Variants in SUB1 observed in about 807,000 individuals in gnomAD.
SUB1 encodes SUB1 regulator of transcription.
SUB1 carries 1 observed loss-of-function variant against 16.9 expected under a neutral mutation model. That is an observed-to-expected ratio of 0.06 (90% CI 0.02 to 0.28). The LOEUF is 0.28. Ranked by LOEUF, SUB1 falls within the 10% of genes least tolerant of loss-of-function variation. The probability of loss-of-function intolerance (pLI) is 1.00; values close to 1 mark genes in which losing one functional copy is unlikely to be tolerated. For missense variants in SUB1, 84 were observed against 145.2 expected, an observed-to-expected ratio of 0.58 and a Z score of 2.16; for synonymous variants, 51 against 46.9, an observed-to-expected ratio of 1.09 and a Z score of -0.36.
Position 32,599,203 on chromosome 5 carries a change from A to G in SUB1, c.304+134A>G, listed in dbSNP as rs1468874196. 6.1e-6 allele frequency: 4 copies of G among 659,920 alleles called. No individual in the cohort carries two copies. In the African/African-American group the frequency reaches 7.5e-5, roughly 12 times the overall value. 40.9% of individuals were successfully genotyped at this position (659,920 alleles called of 1,614,324 possible). A position where few individuals can be genotyped will look rare whatever the true frequency, so the allele number is the denominator to read the frequency against. On this transcript the variant is annotated intron_variant, in intron 4 of 4. Coordinates refer to ENST00000265073, the MANE Select transcript of SUB1 (RefSeq NM_006713.4). ...ACTCAATTGATTCTCTATCTTCTGTAGTTATTTTGGACATGATACTTAACA... is the reference window on the plus strand; with the variant it reads ...ACTCAATTGATTCTCTATCTTCTGTGGTTATTTTGGACATGATACTTAACA...
At chr5:32,591,311 C>G (rs1439529160) in intron 2 of SUB1, 2 of 303,104 alleles carry the variant, frequency 6.6e-6, no homozygotes, top group Non-Finnish European at 1.1e-5. Context: ...AATAACCGTT[C>G]CTGTGGTTAA....
At chr5:32,588,000 T>C (rs924946394) in intron 1 of SUB1, among the ~76,000 whole-genome samples, 4 of 152,242 alleles carry the variant, frequency 2.6e-5, no homozygotes, top group Non-Finnish European at 5.9e-5. Context: ...TAAAATATTA[T>C]GTAAAAATTA....
At chr5:32,593,877 A>G (rs1302742376) in intron 3 of SUB1, among the ~76,000 whole-genome samples, 1 of 152,096 alleles carries the variant, frequency 6.6e-6, no homozygotes, top group Non-Finnish European at 1.5e-5. Context: ...TATTTTTAGT[A>G]GAGACGGGAT....
At chr5:32,593,555 T>C (rs1314717171) in intron 3 of SUB1, among the ~76,000 whole-genome samples, 3 of 152,194 alleles carry the variant, frequency 2.0e-5, no homozygotes, top group Admixed American at 2.0e-4. Flanking sequence ...TTGTGAAAAC[T>C]AGATCTAATT....
chr5:32,602,530 G>GT lies in SUB1; in HGVS notation c.*1449dup, dbSNP rs1218624973. ...GAGTTTTGCACTATTTTGCTACCAA[G>GT]TTTGATTCATACATCTAAAACATTT... On this transcript the variant is annotated 3_prime_UTR_variant, in exon 5 of 5. Coordinates refer to ENST00000265073, the MANE Select transcript of SUB1 (RefSeq NM_006713.4). The GT allele has an allele frequency of 1.2e-5, 2 of 170,754 alleles. No individual in the cohort carries two copies. The highest frequency in any genetic ancestry group is 4.8e-5 in the African/African-American group (2 of 41,806). 10.6% of individuals were successfully genotyped at this position (170,754 alleles called of 1,614,324 possible).
chr5:32,599,556 C>T (rs902847314), intron 4 of SUB1, among the ~76,000 whole-genome samples: 1 of 152,238 alleles, frequency 6.6e-6, no homozygotes, highest in African/African-American at 2.4e-5. Context: ...ATTCACCAAA[C>T]AGCTAGAGAA....
intron 2 of SUB1, among the ~76,000 whole-genome samples, chr5:32,589,537 A>G (rs1190040100): frequency 6.6e-6 from 1 of 152,206 alleles, no homozygotes; most frequent in Non-Finnish European, 1.5e-5. Flanking sequence ...CAGTAAAGCT[A>G]ACTTGAAACC....
Position 32,602,364 on chromosome 5 carries a change from AT to A in SUB1, c.*1285del, listed in dbSNP as rs372446711. On this transcript the variant is annotated 3_prime_UTR_variant, in exon 5 of 5. Coordinates refer to ENST00000265073, the MANE Select transcript of SUB1 (RefSeq NM_006713.4). ...AATGATATACATATGATATTTTGAG[AT>A]TTTTATAACAGCAGTGGAACACAAT... 450 of 322,934 alleles carry A rather than the reference AT, an allele frequency of 1.4e-3. 2 individuals carry two copies. The highest frequency in any genetic ancestry group is 8.9e-3 in the African/African-American group (412 of 46,186). The allele number at this position is 322,934 out of a possible 1,614,324, so 20.0% of individuals were successfully genotyped here. A position where few individuals can be genotyped will look rare whatever the true frequency, so the allele number is the denominator to read the frequency against.
intron 4 of SUB1, among the ~76,000 whole-genome samples, chr5:32,599,776 T>G (rs1235906025): frequency 2.0e-5 from 3 of 152,186 alleles, no homozygotes; most frequent in Admixed American, 6.5e-5. Context: ...CACTTCTGGA[T>G]TGGTAATTCA....
In SUB1 at chr5:32,603,535, A is replaced by C. The variant is rs1447161618; in HGVS notation, c.*2451A>C. On this transcript the variant is annotated 3_prime_UTR_variant, in exon 5 of 5. Transcript: ENST00000265073. ...GTGCTCTTAGCATTTTACTTAAAGAACAACCACTACAAAAGAAAATCTTTG... is the reference window on the plus strand; with the variant it reads ...GTGCTCTTAGCATTTTACTTAAAGACCAACCACTACAAAAGAAAATCTTTG... 6.6e-6 allele frequency: 1 copy of C among 152,176 alleles called. No individual in the cohort carries two copies. Among genetic ancestry groups the C allele is most frequent in the East Asian group, 1.9e-4 (1 of 5,202 alleles). 9.4% of individuals were successfully genotyped at this position (152,176 alleles called of 1,614,324 possible).
chr5:32,595,819 CTTT>C (rs1161883490), intron 3 of SUB1: 1 of 152,132 alleles, frequency 6.6e-6, no homozygotes, highest in Non-Finnish European at 1.5e-5. Flanking sequence ...TATTGTCAGT[CTTT>C]TAAGTTTTTT....
chr5:32,596,204 C>G (rs1411184809), intron 3 of SUB1: 2 of 152,226 alleles, frequency 1.3e-5, no homozygotes, highest in Admixed American at 6.5e-5. Flanking sequence ...GATCTTCTCT[C>G]TCTTGGAAAT....
intron 3 of SUB1, chr5:32,594,484 T>C (rs1738905520): frequency 2.8e-6 from 1 of 357,344 alleles, no homozygotes. Flanking sequence ...TTATTTAATT[T>C]AAAATGATTA....
In SUB1 at chr5:32,587,690, A is replaced by C. The variant is rs542578037; in HGVS notation, c.-1-822A>C. 2.3e-3 allele frequency among the ~76,000 whole-genome samples: 350 copies of C among 151,294 alleles called. 1 individual carries two copies. The highest frequency in any genetic ancestry group is 3.8e-3 in the Non-Finnish European group (259 of 67,912). The stretch of plus-strand genomic sequence containing the variant: ...CAATGATGTGACCTTGTGTCACTGC[A>C]ACCTCTGCCTCCGGTGTTGAAGCGA... On this transcript the variant is annotated intron_variant, in intron 1 of 4. Transcript: ENST00000265073.
At chr5:32,588,053 G>A (rs1738718711) in intron 1 of SUB1, among the ~76,000 whole-genome samples, 1 of 151,938 alleles carries the variant, frequency 6.6e-6, no homozygotes, top group Non-Finnish European at 1.5e-5. Flanking sequence ...TCCCTGTTGT[G>A]TAAATGTTGG....
chr5:32,595,140 T>C (rs1738926418), intron 3 of SUB1: 1 of 152,126 alleles, frequency 6.6e-6, no homozygotes, highest in South Asian at 2.1e-4. Flanking sequence ...TCAGTTTTAC[T>C]CTTTTTTTCC....
intron 1 of SUB1, among the ~76,000 whole-genome samples, chr5:32,588,019 T>A (rs1353915562): frequency 6.6e-6 from 1 of 152,200 alleles, no homozygotes; most frequent in Non-Finnish European, 1.5e-5. Flanking sequence ...TAATTAGATG[T>A]CACATTTGCA....
intron 2 of SUB1, among the ~76,000 whole-genome samples, chr5:32,590,445 C>G (rs146408519): frequency 6.7e-6 from 1 of 150,332 alleles, no homozygotes; most frequent in African/African-American, 2.4e-5. Context: ...GTTTTTAAAA[C>G]AACGTTGTGA....
intron 3 of SUB1, 76 bp from the exon 4 acceptor site, chr5:32,598,885 T>TTG: frequency 8.9e-7 from 1 of 1,129,912 alleles, no homozygotes; most frequent in East Asian, 2.4e-5. Context: ...ATGCAGCAAG[T>TTG]TGTGAATATG....
Sources: allele counts gnomAD v4.1 joint callset (sites outside exome capture counted in the v4.1 genomes callset), GRCh38; gene constraint gnomAD v4.1.1; transcripts MANE v1.5; gene names NCBI Gene and HGNC (gene_info 2026-07-23, HGNC 2026-07-21).